Variants in LRBA observed in about 807,000 individuals in gnomAD.
LRBA encodes the protein LPS responsive beige-like anchor protein.
A neutral mutation model predicts 330.0 loss-of-function variants in LRBA; 176 were observed. The observed-to-expected ratio is 0.53, with a 90% confidence interval of 0.47 to 0.60. The LOEUF is 0.60. Ranked by LOEUF, LRBA falls within the 20% of genes least tolerant of loss-of-function variation. The probability of loss-of-function intolerance (pLI) is 0.00; values close to 1 mark genes in which losing one functional copy is unlikely to be tolerated. For missense variants in LRBA, 3,259 were observed against 3,444.8 expected (o/e 0.95, Z 1.35); for synonymous variants, 1,230 against 1,193.0 (o/e 1.03, Z -0.64).
At chr4:150,741,297 A>G (rs1282302666) in intron 35 of LRBA, among the ~76,000 whole-genome samples, 3 of 152,184 alleles carry the variant, frequency 2.0e-5, no homozygotes, top group Non-Finnish European at 2.9e-5. Context: ...TAAATATATT[A>G]AAAAGCCTCT....
chr4:150,819,982 T>C (rs1438914968), intron 30 of LRBA, among the ~76,000 whole-genome samples: 1 of 152,058 alleles, frequency 6.6e-6, no homozygotes, highest in Non-Finnish European at 1.5e-5. Flanking sequence ...AAGCGTGTTG[T>C]GTCATTTCAC....
At chr4:150,587,274 A>G (rs1055342136) in intron 40 of LRBA, among the ~76,000 whole-genome samples, 2 of 152,222 alleles carry the variant, frequency 1.3e-5, no homozygotes, top group Non-Finnish European at 2.9e-5. Context: ...ATGTATATAC[A>G]TGTACATAAC....
Position 150,583,906 on chromosome 4 carries a change from G to T in LRBA, c.6330+4142C>A. ...ACACCCACGAGAAACGGACTGGGAC[G>T]AGTCGTGCCTGGGCGACCGGCTCAA... On this transcript the variant is annotated intron_variant, in intron 40 of 56. Coordinates refer to ENST00000651943, the MANE Select transcript of LRBA (RefSeq NM_001364905.1). The surrounding 1 kb of genome is among the most constrained non-coding windows in gnomAD (Gnocchi z 9.8). 3 of 1,613,044 alleles carry T rather than the reference G, an allele frequency of 1.9e-6. No individual in the cohort carries two copies. The highest frequency in any genetic ancestry group is 2.5e-6 in the Non-Finnish European group (3 of 1,179,480).
chr4:150,510,028 T>C (rs1416673082), intron 40 of LRBA, among the ~76,000 whole-genome samples: 1 of 151,942 alleles, frequency 6.6e-6, no homozygotes, highest in Non-Finnish European at 1.5e-5. Context: ...CCCAGGGACT[T>C]GGGAGGCTGA....
intron 22 of LRBA, among the ~76,000 whole-genome samples, chr4:150,853,775 T>C (rs935508381): frequency 2.6e-5 from 4 of 152,218 alleles, no homozygotes; most frequent in Admixed American, 1.3e-4. Flanking sequence ...ATGATTTCCA[T>C]TGGTGTTTCA....
intron 37 of LRBA, among the ~76,000 whole-genome samples, chr4:150,663,514 T>C (rs1279305532): frequency 3.3e-5 from 5 of 151,536 alleles, no homozygotes; most frequent in East Asian, 1.9e-4. Context: ...GTGTTTTCAA[T>C]TGAACTTAGG....
At chr4:150,346,215 A>T (rs1581072745) in intron 48 of LRBA, among the ~76,000 whole-genome samples, 1 of 152,212 alleles carries the variant, frequency 6.6e-6, no homozygotes, top group Non-Finnish European at 1.5e-5. Context: ...AATATCAAAT[A>T]CCTACCATAC....
At chr4:150,411,584 A>G (rs1332079241) in intron 47 of LRBA, among the ~76,000 whole-genome samples, 1 of 152,126 alleles carries the variant, frequency 6.6e-6, no homozygotes, top group African/African-American at 2.4e-5. Context: ...GCAACACTAT[A>G]TCCCTGTTCA....
chr4:150,644,914 T>A (rs1715026518), intron 37 of LRBA, among the ~76,000 whole-genome samples: 1 of 151,802 alleles, frequency 6.6e-6, no homozygotes, highest in Admixed American at 6.6e-5. Context: ...AGTCACTGTA[T>A]CACTCAGTAC....
chr4:150,916,695 C>T lies in LRBA; in HGVS notation c.689G>A (p.Gly230Asp). 6.3e-7 allele frequency: 1 copy of T among 1,597,516 alleles called. No homozygotes were observed. Residue 230 changes from glycine to aspartate, a missense_variant, in exon 6 of 57, where the codon GGT becomes GAT. Physicochemically the swap from Gly to Asp is moderately conservative, Grantham distance 94. Transcript: ENST00000651943. The part of the protein sequence containing the change: ...PPIAKWPYQN[G>D]FTFHTWLRMD... Reference sequence around the variant, plus strand: ...TCTAAGCCATGTATGAAATGTAAAACCATTCTGGTATGGCCATTTGGCTAT... The same window carrying T: ...TCTAAGCCATGTATGAAATGTAAAATCATTCTGGTATGGCCATTTGGCTAT...
rs528251034 is a variant in LRBA, at chr4:150,895,458, G to A, written c.2067+936C>T. On this transcript the variant is annotated intron_variant, in intron 16 of 56. Transcript: ENST00000651943. ...CTACCCCCACCCCACAACAGGCCCC[G>A]GTGTGTGATGTTCCCCTTCCTGTGT... is the stretch of plus-strand genomic sequence containing the variant. 4.2e-4 allele frequency among the ~76,000 whole-genome samples: 63 copies of A among 151,398 alleles called. 1 individual carries two copies. The highest frequency in any genetic ancestry group is 1.4e-3 in the African/African-American group (58 of 41,224).
At chr4:150,938,281 G>C (rs1219883691) in intron 2 of LRBA, among the ~76,000 whole-genome samples, 1 of 152,022 alleles carries the variant, frequency 6.6e-6, no homozygotes, top group Non-Finnish European at 1.5e-5. Flanking sequence ...ACATATTCAG[G>C]TTTTAAAAGT....
intron 47 of LRBA, among the ~76,000 whole-genome samples, chr4:150,360,283 A>C (rs1413291338): frequency 6.6e-6 from 1 of 151,788 alleles, no homozygotes; most frequent in Non-Finnish European, 1.5e-5. Context: ...TTAAGTCACC[A>C]TGCCCAGCCT....
At chr4:150,747,739 T>A (rs1460790280) in intron 35 of LRBA, among the ~76,000 whole-genome samples, 1 of 152,188 alleles carries the variant, frequency 6.6e-6, no homozygotes, top group Admixed American at 6.5e-5. Context: ...CCCACTTTGC[T>A]ACATCCTCCG....
rs75635195 is a variant in LRBA at position 150,911,082 on chromosome 4, G to A, written c.1162-2225C>T. Among the ~76,000 whole-genome samples the A allele has an allele frequency of 3.4e-3, 524 of 152,278 alleles. 25 individuals carry two copies. In the East Asian group the frequency reaches 0.09, roughly 26 times the overall value. ...CAGAATTCATTTACTAGTCCTAACA[G>A]TTTTCAGTGAAATCTTTAAGGATTT... On this transcript the variant is annotated intron_variant, in intron 9 of 56. Transcript: ENST00000651943.
rs1384014823 is a variant in LRBA at position 150,516,215 on chromosome 4, C to CTTTTTTTTTT, written c.6331-25181_6331-25180insAAAAAAAAAA. ...GTAATTCAGTCTGACATTTTCTATTCTCTTTTTTTTTTTTTTTTTTTTTTT... is the reference window on the plus strand; with the variant it reads ...GTAATTCAGTCTGACATTTTCTATTCTTTTTTTTTTTCTTTTTTTTTTTTTTTTTTTTTTT... On this transcript the variant is annotated intron_variant, in intron 40 of 56. Coordinates refer to ENST00000651943, the MANE Select transcript of LRBA (RefSeq NM_001364905.1). 5.0e-4 allele frequency among the ~76,000 whole-genome samples: 43 copies of CTTTTTTTTTT among 86,676 alleles called. 15 individuals are homozygous for CTTTTTTTTTT. The highest frequency in any genetic ancestry group is 8.2e-4 in the Non-Finnish European group (37 of 45,152). The allele number at this position is 86,676 out of a possible 152,430, so 56.9% of individuals were successfully genotyped here.
chr4:150,744,109 G>A (rs1278913369), intron 35 of LRBA, among the ~76,000 whole-genome samples: 1 of 151,912 alleles, frequency 6.6e-6, no homozygotes, highest in Non-Finnish European at 1.5e-5. Flanking sequence ...AGGCATTACA[G>A]ACAAAAACCA....
At chr4:150,760,383 T>C (rs1270387607) in intron 35 of LRBA, among the ~76,000 whole-genome samples, 2 of 152,154 alleles carry the variant, frequency 1.3e-5, no homozygotes, top group Non-Finnish European at 2.9e-5. Context: ...GTAGTAACCT[T>C]GCTACTGTTC....
intron 22 of LRBA, among the ~76,000 whole-genome samples, chr4:150,865,717 C>CTTT (rs779221199): frequency 5.2e-5 from 7 of 134,546 alleles, no homozygotes; most frequent in African/African-American, 1.9e-4. Flanking sequence ...GCAATATATT[C>CTTT]TTTTTTTTTT....
Sources: allele counts gnomAD v4.1 joint callset (sites outside exome capture counted in the v4.1 genomes callset), GRCh38; gene constraint gnomAD v4.1.1; non-coding constraint Gnocchi (gnomAD v3.1); transcripts MANE v1.5; gene names NCBI Gene and HGNC (gene_info 2026-07-23, HGNC 2026-07-21).